The following ZNF160 variants were observed in gnomAD, a reference collection of about 807,000 sequenced individuals.
ZNF160 encodes the protein KRAB zinc finger protein KR18.
ZNF160 carries 9 observed loss-of-function variants against 13.1 expected under a neutral mutation model. The ratio of observed to expected loss-of-function variants is 0.69; its 90% CI spans 0.41 to 1.20. ZNF160 has a LOEUF of 1.20. ZNF160 is among the 50% of genes most tolerant of loss of function. The pLI, the probability that ZNF160 is intolerant of heterozygous loss-of-function variation, is 0.01. For missense variants in ZNF160, 838 were observed against 988.0 expected, an observed-to-expected ratio of 0.85 and a Z score of 2.04; for synonymous variants, 293 against 333.2, an observed-to-expected ratio of 0.88 and a Z score of 1.31.
At chr19:53,082,667 C>CA (rs1359213338) in intron 3 of ZNF160, among the ~76,000 whole-genome samples, 1 of 152,150 alleles carries the variant, frequency 6.6e-6, no homozygotes, top group East Asian at 1.9e-4. Flanking sequence ...AAGAGCCTCT[C>CA]AAAACAATAA....
chr19:53,079,549 TAAAAAAAA>T (rs56752437), intron 3 of ZNF160, among the ~76,000 whole-genome samples: 2 of 100,394 alleles, frequency 2.0e-5, no homozygotes, highest in African/African-American at 3.9e-5. Context: ...AAACTCCATC[TAAAAAAAA>T]AAAAAAAAAA....
intron 5 of ZNF160, chr19:53,072,795 G>T: frequency 3.5e-6 from 1 of 283,576 alleles, no homozygotes; most frequent in Non-Finnish European, 5.3e-6. Flanking sequence ...AAGTTGCGGT[G>T]AGCCGAGATC....
chr19:53,074,290 C>T (rs754772662), intron 4 of ZNF160, 22 bp from the exon 5 acceptor site: 2 of 1,612,604 alleles, frequency 1.2e-6, no homozygotes, highest in Admixed American at 1.7e-5. Flanking sequence ...AAGAAAGGAT[C>T]ACAATGTGCC....
At chr19:53,101,001 A>G (rs1482092991) in intron 1 of ZNF160, among the ~76,000 whole-genome samples, 1 of 149,958 alleles carries the variant, frequency 6.7e-6, no homozygotes, top group Non-Finnish European at 1.5e-5. Context: ...AATAAGGGCC[A>G]GGAGCGGTGG....
chr19:53,100,206 T>G (rs1387809664), intron 1 of ZNF160, among the ~76,000 whole-genome samples: 1 of 152,190 alleles, frequency 6.6e-6, no homozygotes, highest in African/African-American at 2.4e-5. Context: ...AGCCCATCTT[T>G]CCACATTTAC....
rs764632327 is a variant in ZNF160 at position 53,068,319 on chromosome 19, C to T, written c.2215G>A (p.Gly739Ser). ...TGAGCATTTTGAGTAAAGACCTTGC[C>T]ACATTCATTACATTTGTAAGGTTTT... The part of the protein sequence containing the change: ...GKKPYKCNEC[G>S]KVFTQNAHLA... Residue 739 changes from glycine to serine, a missense_variant, in exon 6 of 6, where the codon GGC becomes AGC. This residue lies in a region of ZNF160 where 400 missense variants were observed against 538.9 expected (regional missense o/e 0.74). Coordinates refer to ENST00000683776, the MANE Select transcript of ZNF160 (RefSeq NM_001322131.2). 6.2e-7 allele frequency: 1 copy of T among 1,614,002 alleles called. No individual in the cohort carries two copies. Among genetic ancestry groups the T allele is most frequent in the South Asian group, 1.1e-5 (1 of 91,072 alleles).
rs1419347753 is a variant in ZNF160 at position 53,069,736 on chromosome 19, G to A, written c.798C>T (p.Phe266=). The part of the protein sequence containing the change: ...PYKCNECGKA[F]TQNSNLTSHR... ...GACTTGTAAGGTTCGAATTCTGAGT[G>A]AACGCCTTGCCACATTCATTACATT... The change falls in exon 6 of 6, where the codon TTC becomes TTT. Residue 266 remains phenylalanine (F), a synonymous_variant. Coordinates refer to ENST00000683776, the MANE Select transcript of ZNF160 (RefSeq NM_001322131.2). This position sits in a 1 kb window ranked among gnomAD's most constrained non-coding sequence, Gnocchi z 4.4. The A allele has an allele frequency of 4.3e-6, 7 of 1,614,174 alleles. No homozygotes were observed. Among genetic ancestry groups the A allele is most frequent in the Non-Finnish European group, 5.9e-6 (7 of 1,180,034 alleles).
At chr19:53,077,173 G>C (rs919738725) in intron 3 of ZNF160, 7 of 152,206 alleles carry the variant, frequency 4.6e-5, no homozygotes, top group African/African-American at 1.7e-4. Flanking sequence ...AGACAACAGA[G>C]GCATTCCTGC....
At chr19:53,080,455 G>GA (rs758943184) in intron 3 of ZNF160, among the ~76,000 whole-genome samples, 2 of 152,104 alleles carry the variant, frequency 1.3e-5, no homozygotes, top group Non-Finnish European at 2.9e-5. Flanking sequence ...ACATCATCAA[G>GA]AATGCAATCC....
At chr19:53,098,838 C>T (rs974534780) in intron 1 of ZNF160, among the ~76,000 whole-genome samples, 9 of 151,042 alleles carry the variant, frequency 6.0e-5, no homozygotes, top group East Asian at 1.9e-4. Context: ...GCGGTGGGGA[C>T]GCCTCGGCAC....
chr19:53,081,381 T>C (rs1280265076), intron 3 of ZNF160, among the ~76,000 whole-genome samples: 2 of 152,068 alleles, frequency 1.3e-5, no homozygotes, highest in South Asian at 4.2e-4. Context: ...ATAACTAATA[T>C]CCAGAATCTA....
At chr19:53,094,339 C>T (rs1431407407) in intron 1 of ZNF160, among the ~76,000 whole-genome samples, 3 of 152,106 alleles carry the variant, frequency 2.0e-5, no homozygotes, top group Non-Finnish European at 4.4e-5. Context: ...AACGATGTTC[C>T]GATCGTTGTC....
intron 5 of ZNF160, chr19:53,073,650 G>C (rs2084268833): frequency 8.4e-7 from 1 of 1,185,324 alleles, no homozygotes; most frequent in African/African-American, 1.6e-5. Context: ...GACCAAGAAA[G>C]AAAGCAGTTT....
At chr19:53,083,517 C>T (rs1433094560) in intron 3 of ZNF160, among the ~76,000 whole-genome samples, 4 of 152,092 alleles carry the variant, frequency 2.6e-5, no homozygotes, top group Non-Finnish European at 5.9e-5. Context: ...ATAAACTGAA[C>T]AAATAATTGA....
intron 3 of ZNF160, chr19:53,085,690 C>T (rs969306148): frequency 4.0e-5 from 10 of 249,898 alleles, no homozygotes; most frequent in South Asian, 2.7e-4. Context: ...TTTATGTTGA[C>T]GTCATACATT....
intron 1 of ZNF160, chr19:53,093,763 C>T (rs2085120049): frequency 6.6e-6 from 1 of 152,122 alleles, no homozygotes; most frequent in South Asian, 2.1e-4. Flanking sequence ...GCCTGGGTGA[C>T]AGAGCCTGTC....
intron 1 of ZNF160, among the ~76,000 whole-genome samples, chr19:53,098,589 G>A (rs2085323332): frequency 6.6e-6 from 1 of 151,782 alleles, no homozygotes; most frequent in East Asian, 1.9e-4. Context: ...TCTCATGAGG[G>A]AGGCTGCCAT....
chr19:53,089,275 A>G (rs1327896940), intron 2 of ZNF160, among the ~76,000 whole-genome samples: 2 of 152,238 alleles, frequency 1.3e-5, no homozygotes, highest in African/African-American at 4.8e-5. Context: ...GAGTTGAAGT[A>G]TAAGTTCACC....
chr19:53,072,202 A>C (rs1186789961), intron 5 of ZNF160, among the ~76,000 whole-genome samples: 1 of 151,890 alleles, frequency 6.6e-6, no homozygotes, highest in Non-Finnish European at 1.5e-5. Flanking sequence ...CCAGGGTTCA[A>C]GTGATTCTCC....
Sources: allele counts gnomAD v4.1 joint callset (sites outside exome capture counted in the v4.1 genomes callset), GRCh38; gene constraint gnomAD v4.1.1; regional missense constraint gnomAD v4.1.1; non-coding constraint Gnocchi (gnomAD v3.1); transcripts MANE v1.5; gene names NCBI Gene and HGNC (gene_info 2026-07-23, HGNC 2026-07-21).